TMEM132C: variants seen among roughly 807,000 people sequenced by gnomAD.
TMEM132C encodes transmembrane protein 132C, also known as protein phosphatase 1, regulatory subunit 152.
Under a neutral mutation model 61.4 loss-of-function variants are expected in TMEM132C, and 29 were observed. That is an observed-to-expected ratio of 0.47 (90% CI 0.35 to 0.64). TMEM132C has a LOEUF of 0.64. Among genes scored for constraint, TMEM132C ranks in the 30% least tolerant of loss-of-function variants. The pLI, the probability that TMEM132C is intolerant of heterozygous loss-of-function variation, is 0.00. For synonymous variants in TMEM132C, 656 were observed against 633.1 expected, an observed-to-expected ratio of 1.04 and a Z score of -0.54; for missense variants, 1,408 against 1,476.9, an observed-to-expected ratio of 0.95 and a Z score of 0.76.
intron 5 of TMEM132C, among the ~76,000 whole-genome samples, chr12:128,678,886 C>T (rs947908862): frequency 6.6e-6 from 1 of 152,218 alleles, no homozygotes; most frequent in Non-Finnish European, 1.5e-5. Context: ...GGAGGACGCT[C>T]ATTGCCATGA....
At chr12:128,294,659 G>C (rs1035207136) in intron 1 of TMEM132C, among the ~76,000 whole-genome samples, 11 of 143,158 alleles carry the variant, frequency 7.7e-5, no homozygotes, top group African/African-American at 2.7e-4. Context: ...TATCTGGTGA[G>C]AGCCGGCTTC....
At chr12:128,647,752 G>T (rs911242233) in intron 4 of TMEM132C, among the ~76,000 whole-genome samples, 86 of 149,178 alleles carry the variant, frequency 5.8e-4, no homozygotes, top group Non-Finnish European at 5.9e-4. Flanking sequence ...TCCCATCAGC[G>T]TTGGATGTGA....
intron 1 of TMEM132C, among the ~76,000 whole-genome samples, chr12:128,283,790 T>G (rs574731891): frequency 1.3e-5 from 2 of 152,230 alleles, no homozygotes; most frequent in East Asian, 3.9e-4. Flanking sequence ...CCATTTCCCC[T>G]GCCTTCCCCA....
rs147862702 is a variant in TMEM132C, at chr12:128,526,044, T to C, written c.975-17913T>C. 9.2e-5 allele frequency among the ~76,000 whole-genome samples: 14 copies of C among 152,344 alleles called. No individual in the cohort carries two copies. The East Asian group carries it at 2.7e-3, about 29-fold the overall frequency. On this transcript the variant is annotated intron_variant, in intron 2 of 8. Transcript: ENST00000435159. ...AATGTCTCTGGGCCTTATCTCCATA[T>C]TTCAGAAACCAAGTTCAGGGTCAGT...
At chr12:128,397,825 T>A (rs756609490) in intron 1 of TMEM132C, among the ~76,000 whole-genome samples, 1 of 152,144 alleles carries the variant, frequency 6.6e-6, no homozygotes, top group Non-Finnish European at 1.5e-5. Flanking sequence ...CTTCTTCCCA[T>A]CTGAGCCCTT....
chr12:128,616,265 C>T lies in TMEM132C; in HGVS notation c.1235C>T (p.Thr412Ile), dbSNP rs1200677737. The change falls in exon 4 of 9, where the codon ACC (threonine) becomes ATC (isoleucine). Residue 412 changes from threonine (T) to isoleucine (I), a missense_variant. Transcript: ENST00000435159. ...CAGGTGGAGTACCCACGGAAGGGGA[C>T]CACAGACATCGCCGTGTCCGAGATC... is the stretch of plus-strand genomic sequence containing the variant. Reference protein sequence around the residue: ...TWQVEYPRKGTTDIAVSEIFV... With the variant: ...TWQVEYPRKGITDIAVSEIFV... 1 of 1,551,674 alleles carries T rather than the reference C, an allele frequency of 6.4e-7. No individual in the cohort carries two copies. The highest frequency in any genetic ancestry group is 8.7e-7 in the Non-Finnish European group (1 of 1,147,012).
chr12:128,581,947 G>C (rs564542401), intron 3 of TMEM132C, among the ~76,000 whole-genome samples: 1 of 152,156 alleles, frequency 6.6e-6, no homozygotes, highest in Non-Finnish European at 1.5e-5. Flanking sequence ...CTTCAGCTCC[G>C]CGAATCCTTC....
At chr12:128,516,362 G>A (rs979365553) in intron 2 of TMEM132C, among the ~76,000 whole-genome samples, 1 of 152,154 alleles carries the variant, frequency 6.6e-6, no homozygotes, top group Non-Finnish European at 1.5e-5. Flanking sequence ...AAGCAGGCAT[G>A]CACCAAGGAC....
chr12:128,633,907 G>T (rs1158890100), intron 4 of TMEM132C, among the ~76,000 whole-genome samples: 1 of 152,178 alleles, frequency 6.6e-6, no homozygotes, highest in Non-Finnish European at 1.5e-5. Context: ...AGAGCCAAGG[G>T]CAGATGTCAA....
chr12:128,600,151 T>G (rs929438425), intron 3 of TMEM132C, among the ~76,000 whole-genome samples: 4 of 151,936 alleles, frequency 2.6e-5, no homozygotes, highest in African/African-American at 9.7e-5. Flanking sequence ...CCCGGCTAAT[T>G]TTTTGTATTT....
intron 3 of TMEM132C, among the ~76,000 whole-genome samples, chr12:128,560,172 A>T (rs1874463294): frequency 1.3e-5 from 2 of 152,242 alleles, no homozygotes; most frequent in African/African-American, 4.8e-5. Flanking sequence ...ACTTCAGCCC[A>T]GGCGACAGAA....
At chr12:128,598,993 A>G (rs1189843522) in intron 3 of TMEM132C, among the ~76,000 whole-genome samples, 1 of 152,136 alleles carries the variant, frequency 6.6e-6, no homozygotes, top group African/African-American at 2.4e-5. Context: ...GATTTTGGCT[A>G]CATGTAGCCA....
At chr12:128,301,768 A>C (rs1004906018) in intron 1 of TMEM132C, among the ~76,000 whole-genome samples, 1 of 152,162 alleles carries the variant, frequency 6.6e-6, no homozygotes, top group Non-Finnish European at 1.5e-5. Flanking sequence ...GTATTAGTCC[A>C]TTTTCACGCT....
chr12:128,646,910 A>G (rs1204935555), intron 4 of TMEM132C, among the ~76,000 whole-genome samples: 1 of 142,908 alleles, frequency 7.0e-6, no homozygotes, highest in South Asian at 2.3e-4. Flanking sequence ...ATGTGTGTTT[A>G]CTGGAGTCCA....
intron 2 of TMEM132C, among the ~76,000 whole-genome samples, chr12:128,489,047 C>A (rs1871609605): frequency 6.6e-6 from 1 of 152,076 alleles, no homozygotes; most frequent in South Asian, 2.1e-4. Flanking sequence ...TTTAGAGAGT[C>A]CCAGATCACA....
chr12:128,475,210 A>C (rs780041663), intron 2 of TMEM132C, among the ~76,000 whole-genome samples: 1 of 152,198 alleles, frequency 6.6e-6, no homozygotes, highest in African/African-American at 2.4e-5. Flanking sequence ...CCCCAACTCG[A>C]AATGTCATTT....
intron 2 of TMEM132C, among the ~76,000 whole-genome samples, chr12:128,507,439 C>T (rs1269663714): frequency 6.9e-6 from 1 of 145,858 alleles, no homozygotes. Flanking sequence ...ACCAAGCCAT[C>T]CCCGCAGCTT....
chr12:128,291,781 A>T (rs958329859), intron 1 of TMEM132C, among the ~76,000 whole-genome samples: 3 of 152,180 alleles, frequency 2.0e-5, no homozygotes, highest in African/African-American at 7.2e-5. Context: ...TGGCTTCTGG[A>T]CACATTCTAG....
At chr12:128,579,406 A>G (rs1875247837) in intron 3 of TMEM132C, among the ~76,000 whole-genome samples, 1 of 152,214 alleles carries the variant, frequency 6.6e-6, no homozygotes, top group African/African-American at 2.4e-5. Context: ...TCACTTTGTG[A>G]ATATGTGTTG....
Sources: gnomAD v4.1 joint callset for allele counts (sites outside exome capture counted in the v4.1 genomes callset) on GRCh38, gnomAD v4.1.1 for gene constraint, MANE v1.5 for transcripts, NCBI Gene and HGNC (gene_info 2026-07-23, HGNC 2026-07-21) for gene names.